Variants in LRRC1 observed in about 807,000 individuals in gnomAD.
LRRC1 encodes the protein leucine rich repeat containing 1, also known as leucine-rich repeat-containing protein 1.
A neutral mutation model predicts 69.9 loss-of-function variants in LRRC1; 28 were observed. The ratio of observed to expected loss-of-function variants is 0.40; its 90% confidence interval spans 0.30 to 0.55. LRRC1 has a LOEUF of 0.55. Ranked by LOEUF, LRRC1 falls within the 20% of genes least tolerant of loss-of-function variation. The pLI is 0.47. For synonymous variants in LRRC1, 236 were observed against 240.2 expected, an observed-to-expected ratio of 0.98 and a Z score of 0.16; for missense variants, 498 against 609.0, an observed-to-expected ratio of 0.82 and a Z score of 1.92.
chr6:53,908,535 A>G (rs1581915775), intron 10 of LRRC1, among the ~76,000 whole-genome samples: 3 of 152,224 alleles, frequency 2.0e-5, no homozygotes, highest in South Asian at 4.1e-4. Flanking sequence ...AAGACATGAT[A>G]TAGAATATAA....
chr6:53,920,538 G>C, intron 12 of LRRC1, 87 bp from the exon 13 acceptor site: 2 of 1,506,962 alleles, frequency 1.3e-6, no homozygotes, highest in Non-Finnish European at 1.8e-6. Flanking sequence ...CCTCCGTATA[G>C]ATTCTACCTT....
At chr6:53,888,484 A>G (rs1019104464) in intron 4 of LRRC1, among the ~76,000 whole-genome samples, 1 of 152,230 alleles carries the variant, frequency 6.6e-6, no homozygotes. Flanking sequence ...ATGTGTGTTC[A>G]TGGGTTGATA....
intron 1 of LRRC1, among the ~76,000 whole-genome samples, chr6:53,830,313 T>A (rs1428708523): frequency 6.6e-6 from 1 of 152,250 alleles, no homozygotes; most frequent in Non-Finnish European, 1.5e-5. Context: ...AAAGCAGACT[T>A]GTTAGATGTT....
Position 53,897,323 on chromosome 6 carries a change from C to G in LRRC1, c.606C>G (p.Leu202=), listed in dbSNP as rs756282798. 3 of 1,612,950 alleles carry G rather than the reference C, an allele frequency of 1.9e-6. No homozygotes were observed. Among genetic ancestry groups the G allele is most frequent in the Admixed American group, 1.7e-5 (1 of 59,994 alleles). ...SIGALLHLKD[L]WLDGNQLSEL... ...GAGCCCTCTTACATCTAAAAGATCT[C>G]TGGTTGGATGGAAATCAACTGTCAG... The change falls in exon 7 of 14, where the codon CTC becomes CTG. Residue 202 remains leucine (L), a synonymous_variant. Coordinates refer to ENST00000370888, the MANE Select transcript of LRRC1 (RefSeq NM_018214.5).
At chr6:53,803,510 G>A (rs1281054770) in intron 1 of LRRC1, among the ~76,000 whole-genome samples, 2 of 152,150 alleles carry the variant, frequency 1.3e-5, no homozygotes, top group African/African-American at 4.8e-5. Flanking sequence ...TCTTGGGTAT[G>A]ATTTAGTGGA....
intron 1 of LRRC1, among the ~76,000 whole-genome samples, chr6:53,825,974 G>A (rs576362196): frequency 6.6e-6 from 1 of 151,884 alleles, no homozygotes; most frequent in South Asian, 2.1e-4. Flanking sequence ...TACTGGCTGA[G>A]TGTCCTTGAA....
Position 53,920,761 on chromosome 6 carries a change from G to T in LRRC1, c.1416G>T (p.Thr472=). The T allele has an allele frequency of 1.2e-6, 2 of 1,613,996 alleles. No individual in the cohort carries two copies. The highest frequency in any genetic ancestry group is 2.2e-5 in the East Asian group (1 of 44,870). Reference sequence around the variant, plus strand: ...AGAAAGATGAAGAAGACAATGAGACGGTATGGAAATGCAGATTCTTTGCCT... The same window carrying T: ...AGAAAGATGAAGAAGACAATGAGACTGTATGGAAATGCAGATTCTTTGCCT... ...EDEKDEEDNE[T]RTLLRRATPH... Residue 472 remains threonine, a splice_region_variant and synonymous_variant, in exon 13 of 14, where the codon ACG becomes ACT. Coordinates refer to ENST00000370888, the MANE Select transcript of LRRC1 (RefSeq NM_018214.5).
At chr6:53,869,141 T>TAG (rs1343813608) in intron 2 of LRRC1, among the ~76,000 whole-genome samples, 3 of 152,026 alleles carry the variant, frequency 2.0e-5, no homozygotes, top group Non-Finnish European at 2.9e-5. Context: ...ACAAATTGAA[T>TAG]AGAGAGAGAG....
At chr6:53,883,821 A>C (rs2127431733) in intron 4 of LRRC1, 1 of 678,734 alleles carries the variant, frequency 1.5e-6, no homozygotes, top group East Asian at 2.7e-5. Context: ...CAGAACAGAA[A>C]CTTGCTCTTT....
At chr6:53,796,744 C>T (rs181740926) in intron 1 of LRRC1, among the ~76,000 whole-genome samples, 1 of 152,272 alleles carries the variant, frequency 6.6e-6, no homozygotes, top group East Asian at 1.9e-4. Flanking sequence ...TGCAAAGCCC[C>T]CCAGGCTTTA....
At position 53,879,015 on chromosome 6, in the gene LRRC1, C is replaced by G. The variant is rs766561148; in HGVS notation, c.300C>G (p.Ser100Arg). 6.2e-7 allele frequency: 1 copy of G among 1,612,534 alleles called. No individual in the cohort carries two copies. The highest frequency in any genetic ancestry group is 1.3e-5 in the African/African-American group (1 of 75,002). The change falls in exon 3 of 14, where the codon AGC becomes AGG. Residue 100 changes from serine to arginine, a missense_variant. Coordinates refer to ENST00000370888, the MANE Select transcript of LRRC1 (RefSeq NM_018214.5). Reference sequence around the variant, plus strand: ...CAGAGATTCCTGAAATTCCAGAAAGCATTTCATTCTGTAAAGCACTGCAGG... The same window carrying G: ...CAGAGATTCCTGAAATTCCAGAAAGGATTTCATTCTGTAAAGCACTGCAGG... ...SRNEIPEIPE[S>R]ISFCKALQVA...
At chr6:53,799,583 G>A (rs1764406436) in intron 1 of LRRC1, among the ~76,000 whole-genome samples, 1 of 152,144 alleles carries the variant, frequency 6.6e-6, no homozygotes, top group South Asian at 2.1e-4. Context: ...TTCTGTGCTG[G>A]ACACCTTTGA....
chr6:53,922,886 A>C lies in LRRC1; in HGVS notation c.*93A>C. ...GGAGCCTCACGTGCTCCTTGTCCTAACCAGCCCCCGCGCGCCATCTTCCCG... is the reference window on the plus strand; with the variant it reads ...GGAGCCTCACGTGCTCCTTGTCCTACCCAGCCCCCGCGCGCCATCTTCCCG... On this transcript the variant is annotated 3_prime_UTR_variant, in exon 14 of 14. Transcript: ENST00000370888. The C allele has an allele frequency of 1.6e-6, 2 of 1,261,640 alleles. No individual in the cohort carries two copies. The highest frequency in any genetic ancestry group is 2.2e-6 in the Non-Finnish European group (2 of 903,524). The allele number at this position is 1,261,640 out of a possible 1,614,324, so 78.2% of individuals were successfully genotyped here.
rs539504542 is a variant in LRRC1, at chr6:53,859,393, G to A, written c.277+17166G>A. On this transcript the variant is annotated intron_variant, in intron 2 of 13. Transcript: ENST00000370888. ...AAATTTCCAGAGCAGGAACCCAGGA[G>A]TCTGCATTTTAAGAAATGCATGCAA... Among the ~76,000 whole-genome samples the A allele has an allele frequency of 1.8e-4, 27 of 152,266 alleles. No individual in the cohort carries two copies. In the South Asian group the frequency reaches 5.2e-3, roughly 29 times the overall value.
At chr6:53,823,279 G>A (rs1765165888) in intron 1 of LRRC1, among the ~76,000 whole-genome samples, 1 of 152,182 alleles carries the variant, frequency 6.6e-6, no homozygotes, top group Non-Finnish European at 1.5e-5. Context: ...TGTAACTCAT[G>A]AGGGGATTAC....
intron 1 of LRRC1, among the ~76,000 whole-genome samples, chr6:53,818,339 G>C (rs2127408003): frequency 6.6e-6 from 1 of 152,224 alleles, no homozygotes; most frequent in South Asian, 2.1e-4. Flanking sequence ...AGAAATACCA[G>C]TGTATCAAGA....
intron 2 of LRRC1, among the ~76,000 whole-genome samples, chr6:53,872,804 C>T (rs1322064496): frequency 2.2e-4 from 32 of 146,076 alleles, no homozygotes; most frequent in African/African-American, 4.8e-4. Context: ...TCATTCAAGC[C>T]GGAGTTCAGT....
chr6:53,895,721 T>C (rs1767847225), intron 4 of LRRC1, among the ~76,000 whole-genome samples: 1 of 152,232 alleles, frequency 6.6e-6, no homozygotes, highest in Non-Finnish European at 1.5e-5. Context: ...TGCCACTGCC[T>C]GTCAAGATTT....
intron 2 of LRRC1, among the ~76,000 whole-genome samples, chr6:53,868,378 C>T (rs1024970111): frequency 1.3e-5 from 2 of 152,068 alleles, no homozygotes; most frequent in South Asian, 2.1e-4. Flanking sequence ...GCATGCACCA[C>T]GATGCCCAGC....
Sources: allele counts gnomAD v4.1 joint callset (sites outside exome capture counted in the v4.1 genomes callset), GRCh38; gene constraint gnomAD v4.1.1; transcripts MANE v1.5; gene names NCBI Gene and HGNC (gene_info 2026-07-23, HGNC 2026-07-21).